MACROD2: variants seen among roughly 807,000 people sequenced by gnomAD.
The protein encoded by MACROD2 is mono-ADP ribosylhydrolase 2.
Under a neutral mutation model 70.4 loss-of-function variants are expected in MACROD2, and 36 were observed. The observed-to-expected ratio is 0.51, with a 90% CI of 0.39 to 0.68. The LOEUF is 0.68. MACROD2 is among the 30% of genes least tolerant of loss of function. MACROD2 has a pLI of 0.00. For synonymous variants in MACROD2, 172 were observed against 178.8 expected, an observed-to-expected ratio of 0.96 and a Z score of 0.30; for missense variants, 496 against 538.4, an observed-to-expected ratio of 0.92 and a Z score of 0.78.
intron 2 of MACROD2, chr20:14,003,436 G>T: frequency 5.7e-6 from 1 of 175,904 alleles, no homozygotes; most frequent in Non-Finnish European, 1.2e-5. Flanking sequence ...CGGGGTAGCA[G>T]CTCTACCCCA....
intron 3 of MACROD2, among the ~76,000 whole-genome samples, chr20:14,126,616 C>T (rs2054654218): frequency 2.0e-5 from 3 of 152,052 alleles, no homozygotes; most frequent in Non-Finnish European, 2.9e-5. Flanking sequence ...TTTGTGTCTC[C>T]ATGTCAAATT....
At chr20:14,311,524 T>C (rs1038582524) in intron 3 of MACROD2, among the ~76,000 whole-genome samples, 2 of 152,056 alleles carry the variant, frequency 1.3e-5, no homozygotes, top group Non-Finnish European at 1.5e-5. Flanking sequence ...CATATCTTTT[T>C]TTGTTTGTTT....
At chr20:15,817,715 ATCTC>A (rs2063892434) in intron 8 of MACROD2, among the ~76,000 whole-genome samples, 1 of 151,610 alleles carries the variant, frequency 6.6e-6, no homozygotes, top group Non-Finnish European at 1.5e-5. Context: ...CACCCTTCTA[ATCTC>A]TCTGTCTATA....
chr20:15,792,376 T>A (rs6131706), intron 8 of MACROD2, among the ~76,000 whole-genome samples: 34,458 of 151,806 alleles, frequency 0.23, 3,862 homozygotes, highest in African/African-American at 0.24. Flanking sequence ...ATCTATAAAG[T>A]TACAACCAAC....
At chr20:15,444,333 G>A (rs2046534276) in intron 7 of MACROD2, among the ~76,000 whole-genome samples, 1 of 152,132 alleles carries the variant, frequency 6.6e-6, no homozygotes, top group South Asian at 2.1e-4. Context: ...CTTTTTGGCT[G>A]TTGTGAACGA....
intron 8 of MACROD2, among the ~76,000 whole-genome samples, chr20:15,809,757 A>C (rs2063800594): frequency 6.6e-6 from 1 of 152,066 alleles, no homozygotes; most frequent in Admixed American, 6.6e-5. Flanking sequence ...AACCTATTGC[A>C]TCCCCTTTGC....
chr20:14,075,380 C>T (rs986870372), intron 2 of MACROD2, among the ~76,000 whole-genome samples: 2 of 152,108 alleles, frequency 1.3e-5, no homozygotes, highest in African/African-American at 4.8e-5. Flanking sequence ...TGACAACAGC[C>T]GAGTGTAATA....
At chr20:14,264,516 G>A (rs552090496) in intron 3 of MACROD2, among the ~76,000 whole-genome samples, 2 of 152,320 alleles carry the variant, frequency 1.3e-5, no homozygotes, top group Admixed American at 6.5e-5. Flanking sequence ...CAAGTCAGGT[G>A]TCCAAATCTT....
intron 5 of MACROD2, among the ~76,000 whole-genome samples, chr20:15,088,445 ATAT>A (rs2075768885): frequency 4.1e-5 from 2 of 48,202 alleles, no homozygotes; most frequent in Non-Finnish European, 9.0e-5. Context: ...ATATATATAT[ATAT>A]ATAATATTTT....
chr20:15,491,563 G>A (rs2047232156), intron 7 of MACROD2, among the ~76,000 whole-genome samples: 1 of 152,242 alleles, frequency 6.6e-6, no homozygotes, highest in Non-Finnish European at 1.5e-5. Flanking sequence ...GTGGGCAAGT[G>A]GAGTGTGAGC....
At chr20:15,326,958 T>C (rs1022601595) in intron 6 of MACROD2, among the ~76,000 whole-genome samples, 1 of 152,178 alleles carries the variant, frequency 6.6e-6, no homozygotes, top group South Asian at 2.1e-4. Context: ...AAAATACCTT[T>C]TCCACACTCA....
intron 4 of MACROD2, among the ~76,000 whole-genome samples, chr20:14,596,280 CG>C (rs1271857017): frequency 1.3e-5 from 2 of 151,358 alleles, no homozygotes; most frequent in African/African-American, 4.8e-5. Flanking sequence ...TTAGTAGAGA[CG>C]GGGTTTCACC....
At chr20:15,563,751 T>C (rs2048275367) in intron 8 of MACROD2, among the ~76,000 whole-genome samples, 1 of 152,192 alleles carries the variant, frequency 6.6e-6, no homozygotes. Flanking sequence ...TACTTGACTA[T>C]AAAAACCTTT....
chr20:15,879,980 C>A (rs175792), intron 9 of MACROD2, among the ~76,000 whole-genome samples: 151,519 of 152,222 alleles, frequency 1, 75,409 homozygotes, highest in East Asian at 1. Context: ...GCAATGAGGC[C>A]GGAGGAGTTC....
intron 8 of MACROD2, among the ~76,000 whole-genome samples, chr20:15,542,476 G>A (rs1450595798): frequency 6.6e-6 from 1 of 152,134 alleles, no homozygotes. Context: ...GACCATAATA[G>A]CCATCGATAT....
intron 5 of MACROD2, among the ~76,000 whole-genome samples, chr20:14,801,693 G>A (rs1337109613): frequency 1.3e-5 from 2 of 152,018 alleles, no homozygotes. Flanking sequence ...GCTGCTATAT[G>A]GTGGTTACTG....
chr20:14,147,088 C>T (rs902839944), intron 3 of MACROD2, among the ~76,000 whole-genome samples: 51 of 152,290 alleles, frequency 3.3e-4, no homozygotes, highest in African/African-American at 1.1e-3. Flanking sequence ...GAAGGACTAA[C>T]ATCTGAGGGC....
intron 2 of MACROD2, among the ~76,000 whole-genome samples, chr20:14,083,545 C>T (rs1055041516): frequency 6.6e-6 from 1 of 152,146 alleles, no homozygotes; most frequent in Admixed American, 6.5e-5. Context: ...TATCCAGACT[C>T]ACCCAGCTGT....
At chr20:15,344,155 T>G (rs1056822161) in intron 6 of MACROD2, among the ~76,000 whole-genome samples, 2 of 152,218 alleles carry the variant, frequency 1.3e-5, no homozygotes, top group Non-Finnish European at 2.9e-5. Flanking sequence ...GCCTCAGTGA[T>G]GAATACCTAA....
Sources: allele counts gnomAD v4.1 joint callset (sites outside exome capture counted in the v4.1 genomes callset), GRCh38; gene constraint gnomAD v4.1.1; transcripts MANE v1.5; gene names NCBI Gene and HGNC (gene_info 2026-07-23, HGNC 2026-07-21).